The following CNIH2 variants were observed in gnomAD, a reference collection of about 807,000 sequenced individuals.
CNIH2 encodes the protein protein cornichon homolog 2.
CNIH2 carries 8 observed loss-of-function variants against 22.9 expected under a neutral mutation model. The ratio of observed to expected loss-of-function variants is 0.35; its 90% confidence interval spans 0.20 to 0.63. The LOEUF is 0.63. Among genes scored for constraint, CNIH2 ranks in the 30% least tolerant of loss-of-function variants. The pLI is 0.72. For synonymous variants in CNIH2, 74 were observed against 78.2 expected (o/e 0.95, Z 0.28); for missense variants, 105 against 206.2 (o/e 0.51, Z 3.01).
chr11:66,282,429 G>GGGGGGCC, intron 2 of CNIH2, 102 bp downstream of exon 2: 3 of 479,386 alleles, frequency 6.3e-6, no homozygotes, highest in East Asian at 5.8e-5. Flanking sequence ...GGGGTGGGGG[G>GGGGGGCC]CCTACGGCCA....
At chr11:66,282,671 G>A in intron 2 of CNIH2, 62 bp from the exon 3 acceptor site, 4 of 1,578,282 alleles carry the variant, frequency 2.5e-6, no homozygotes, top group Non-Finnish European at 2.6e-6. Context: ...GTGGAGCGGT[G>A]GGAGCTGCTC....
rs1369851390 is a variant in CNIH2 at position 66,282,107 on chromosome 11, C to T, written c.82-152C>T. On this transcript the variant is annotated intron_variant, in intron 1 of 5. Coordinates refer to ENST00000311445, the MANE Select transcript of CNIH2 (RefSeq NM_182553.3). ...TCTGGACTGTTGTAATGACCTTGGA[C>T]CAGGCCCTGCTCCTCCCTGGACCTC... 9 of 702,166 alleles carry T rather than the reference C, an allele frequency of 1.3e-5. No homozygotes were observed. In the East Asian group the frequency reaches 2.4e-4, roughly 19 times the overall value. The allele number at this position is 702,166 out of a possible 1,614,324, so 43.5% of individuals were successfully genotyped here.
rs1418337622 is a variant in CNIH2, at chr11:66,284,025, G to T, written c.*428G>T. The T allele has an allele frequency of 1.4e-5, 3 of 209,030 alleles. No homozygotes were observed. The South Asian group carries it at 2.2e-4, about 15-fold the overall frequency. The allele number at this position is 209,030 out of a possible 1,614,324, so 12.9% of individuals were successfully genotyped here. On this transcript the variant is annotated 3_prime_UTR_variant, in exon 6 of 6. Coordinates refer to ENST00000311445, the MANE Select transcript of CNIH2 (RefSeq NM_182553.3). ...CACCGGGAATGAGCAGGCTCAGCAG[G>T]GGGGCAGCCCCACCCCTAGTCTGCC...
intron 1 of CNIH2, among the ~76,000 whole-genome samples, chr11:66,279,593 C>CA (rs1469523559): frequency 6.6e-6 from 1 of 152,148 alleles, no homozygotes; most frequent in Non-Finnish European, 1.5e-5. Flanking sequence ...ATCCCTCCCT[C>CA]AATCCCATTT....
intron 1 of CNIH2, among the ~76,000 whole-genome samples, chr11:66,280,556 G>T (rs1448872307): frequency 6.6e-6 from 1 of 152,210 alleles, no homozygotes; most frequent in Non-Finnish European, 1.5e-5. Context: ...CAACCCTGGC[G>T]GTGAGTGACG....
At chr11:66,282,848 C>G in intron 3 of CNIH2, 68 bp downstream of exon 3, 1 of 1,543,000 alleles carries the variant, frequency 6.5e-7, no homozygotes, top group South Asian at 1.1e-5. Flanking sequence ...TGGCCCAGAA[C>G]CAGGCCTTCC....
intron 1 of CNIH2, among the ~76,000 whole-genome samples, chr11:66,279,020 AC>A (rs1372502590): frequency 7.2e-6 from 1 of 139,322 alleles, no homozygotes; most frequent in African/African-American, 2.8e-5. Flanking sequence ...GAGTCCATTA[AC>A]CCTTTGCCTT....
At chr11:66,282,511 G>A in intron 2 of CNIH2, 184 bp downstream of exon 2, 1 of 881,736 alleles carries the variant, frequency 1.1e-6, no homozygotes, top group Non-Finnish European at 1.8e-6. Context: ...CCTCTTGGCG[G>A]GGCGGTGGTT....
chr11:66,282,384 C>A, intron 2 of CNIH2, 57 bp downstream of exon 2: 1 of 524,220 alleles, frequency 1.9e-6, no homozygotes, highest in South Asian at 2.1e-5. Context: ...TTCCATCTGT[C>A]GTGGGCTGGG....
At chr11:66,281,685 A>G (rs1857260642) in intron 1 of CNIH2, 4 of 352,732 alleles carry the variant, frequency 1.1e-5, no homozygotes, top group Non-Finnish European at 2.2e-5. Flanking sequence ...CTGCGCTGTC[A>G]CGCCAGCCCC....
At chr11:66,282,647 C>T in intron 2 of CNIH2, 86 bp from the exon 3 acceptor site, 1 of 1,492,524 alleles carries the variant, frequency 6.7e-7, no homozygotes, top group Non-Finnish European at 9.3e-7. Context: ...TCTGGCGCCC[C>T]CTGGCGGCCA....
intron 2 of CNIH2, 90 bp from the exon 3 acceptor site, chr11:66,282,643 G>T: frequency 2.1e-6 from 3 of 1,456,894 alleles, no homozygotes; most frequent in Non-Finnish European, 2.9e-6. Flanking sequence ...TCGCTCTGGC[G>T]CCCCCTGGCG....
At chr11:66,282,423 T>TTGGGGGGGGGGGGGGG in intron 2 of CNIH2, 96 bp downstream of exon 2, 6 of 147,056 alleles carry the variant, frequency 4.1e-5, no homozygotes, top group Non-Finnish European at 6.5e-5. Flanking sequence ...GGGGGTGGGG[T>TTGGGGGGGGGGGGGGG]GGGGGGCCTA....
At chr11:66,283,549 C>A in intron 5 of CNIH2, 21 bp from the exon 6 acceptor site, 3 of 1,600,060 alleles carry the variant, frequency 1.9e-6, no homozygotes, top group Non-Finnish European at 2.6e-6. Flanking sequence ...GGGCTAGGCT[C>A]ACTGGCTCAT....
At chr11:66,282,489 C>G (rs973882214) in intron 2 of CNIH2, 162 bp downstream of exon 2, 1 of 980,644 alleles carries the variant, frequency 1.0e-6, no homozygotes, top group Admixed American at 2.0e-5. Flanking sequence ...GGCGCGGGCT[C>G]AGGGCTGAGT....
chr11:66,280,832 C>T (rs910047761), intron 1 of CNIH2, among the ~76,000 whole-genome samples: 7 of 152,108 alleles, frequency 4.6e-5, no homozygotes, highest in Admixed American at 3.9e-4. Flanking sequence ...CTCTCTGAGC[C>T]GTCTGGGGCC....
At chr11:66,281,749 C>T (rs1245742319) in intron 1 of CNIH2, among the ~76,000 whole-genome samples, 1 of 152,040 alleles carries the variant, frequency 6.6e-6, no homozygotes, top group African/African-American at 2.4e-5. Context: ...TCTGCCATTG[C>T]ACCTTCTACT....
intron 1 of CNIH2, among the ~76,000 whole-genome samples, chr11:66,281,764 G>C (rs140019943): frequency 6.6e-6 from 1 of 151,798 alleles, no homozygotes; most frequent in Non-Finnish European, 1.5e-5. Flanking sequence ...TCTACTGCTT[G>C]GACTGCATTT....
intron 1 of CNIH2, among the ~76,000 whole-genome samples, chr11:66,279,914 A>G (rs1013815058): frequency 6.6e-6 from 1 of 151,692 alleles, no homozygotes; most frequent in African/African-American, 2.4e-5. Flanking sequence ...CCGCACCCCG[A>G]GTTACTCTAT....
Sources: gnomAD v4.1 joint callset for allele counts (sites outside exome capture counted in the v4.1 genomes callset) on GRCh38, gnomAD v4.1.1 for gene constraint, MANE v1.5 for transcripts, NCBI Gene and HGNC (gene_info 2026-07-23, HGNC 2026-07-21) for gene names.